DNAJC6: variants seen among roughly 807,000 people sequenced by gnomAD.
DNAJC6 encodes the protein DnaJ heat shock protein family (Hsp40) member C6, also known as auxilin.
DNAJC6 carries 34 observed loss-of-function variants against 110.0 expected under a neutral mutation model. That is an observed-to-expected ratio of 0.31 (90% CI 0.24 to 0.41). The LOEUF (loss-of-function observed/expected upper bound fraction) is 0.41. Among genes scored for constraint, DNAJC6 ranks in the 10% least tolerant of loss-of-function variants. The pLI is 1.00. For missense variants in DNAJC6, 1,031 were observed against 1,207.8 expected (o/e 0.85, Z 2.17); for synonymous variants, 406 against 437.2 (o/e 0.93, Z 0.89).
At chr1:65,397,275 A>G (rs771213437) in intron 13 of DNAJC6, among the ~76,000 whole-genome samples, 18 of 120,316 alleles carry the variant, frequency 1.5e-4, no homozygotes, top group Non-Finnish European at 2.2e-4. Context: ...GAGGTCAGAC[A>G]TCCTCAGGGT....
At chr1:65,265,000 G>A (rs1393990828) in intron 1 of DNAJC6, 1 of 1,443,786 alleles carries the variant, frequency 6.9e-7, no homozygotes, top group African/African-American at 1.4e-5. Flanking sequence ...GGGATGCGAT[G>A]TCACTCCACA....
In DNAJC6 at chr1:65,392,469, G is replaced by A. The variant is rs960622503; in HGVS notation, c.1507G>A (p.Ala503Thr). 7 of 1,611,548 alleles carry A rather than the reference G, an allele frequency of 4.3e-6. No individual in the cohort carries two copies. Among genetic ancestry groups the A allele is most frequent in the Admixed American group, 1.7e-5 (1 of 59,814 alleles). ...SEKSFCEEDH[A>T]ALVNQESEQS... is the part of the protein sequence containing the mutation. Reference sequence around the variant, plus strand: ...GAAGTCATTCTGTGAGGAGGACCACGCTGCCCTAGTGAATCAGGAAAGTGA... The same window carrying A: ...GAAGTCATTCTGTGAGGAGGACCACACTGCCCTAGTGAATCAGGAAAGTGA... The change falls in exon 12 of 19, where the codon GCT becomes ACT. Residue 503 changes from alanine (A) to threonine (T), a missense_variant. Coordinates refer to ENST00000371069, the MANE Select transcript of DNAJC6 (RefSeq NM_001256864.2).
intron 1 of DNAJC6, among the ~76,000 whole-genome samples, chr1:65,290,273 T>C (rs191686832): frequency 3.9e-5 from 6 of 152,330 alleles, no homozygotes; most frequent in Admixed American, 6.5e-5. Flanking sequence ...GTCCTTTGAA[T>C]GTATGTATTG....
intron 1 of DNAJC6, among the ~76,000 whole-genome samples, chr1:65,301,190 G>T (rs768701077): frequency 6.6e-6 from 1 of 152,198 alleles, no homozygotes; most frequent in South Asian, 2.1e-4. Context: ...AAGGACTGAT[G>T]CTTCCATGAG....
intron 1 of DNAJC6, among the ~76,000 whole-genome samples, chr1:65,276,870 C>G (rs1185040259): frequency 6.6e-6 from 1 of 152,188 alleles, no homozygotes; most frequent in African/African-American, 2.4e-5. Flanking sequence ...GTCTTAACAG[C>G]TGCCCCTTGC....
chr1:65,359,759 A>T (rs1233953436), intron 1 of DNAJC6, among the ~76,000 whole-genome samples: 3 of 152,166 alleles, frequency 2.0e-5, no homozygotes, highest in African/African-American at 7.2e-5. Flanking sequence ...AATGCTTTAG[A>T]CTTTGTGGGC....
At position 65,414,778 on chromosome 1, in the gene DNAJC6, T is replaced by G. The variant is rs1646156898; in HGVS notation, c.*1753T>G. ...TTGATCCAGTATGTGCTTGTCTTAT[T>G]TAAAATTGGAATGTGAGACATGTTG... On this transcript the variant is annotated 3_prime_UTR_variant, in exon 19 of 19. Coordinates refer to ENST00000371069, the MANE Select transcript of DNAJC6 (RefSeq NM_001256864.2). 1 of 152,684 alleles carries G rather than the reference T, an allele frequency of 6.5e-6. No individual in the cohort carries two copies. Among genetic ancestry groups the G allele is most frequent in the African/African-American group, 2.4e-5 (1 of 41,464 alleles). 9.5% of individuals were successfully genotyped at this position (152,684 alleles called of 1,614,324 possible). A position where few individuals can be genotyped will look rare whatever the true frequency, so the allele number is the denominator to read the frequency against.
At chr1:65,356,860 A>T (rs1247544758) in intron 1 of DNAJC6, among the ~76,000 whole-genome samples, 3 of 152,186 alleles carry the variant, frequency 2.0e-5, no homozygotes, top group African/African-American at 7.2e-5. Flanking sequence ...CTCTCTTCTC[A>T]AAGTCTGTTA....
chr1:65,324,835 T>A (rs1372779762), intron 1 of DNAJC6, among the ~76,000 whole-genome samples: 1 of 151,892 alleles, frequency 6.6e-6, no homozygotes, highest in Non-Finnish European at 1.5e-5. Flanking sequence ...GAGGCCAGGG[T>A]GTTGCCAAAC....
chr1:65,320,422 T>C (rs1015613873), intron 1 of DNAJC6, among the ~76,000 whole-genome samples: 3 of 152,096 alleles, frequency 2.0e-5, no homozygotes, highest in Non-Finnish European at 2.9e-5. Flanking sequence ...GCAGTGGGAG[T>C]ACTAGGGAAT....
intron 1 of DNAJC6, among the ~76,000 whole-genome samples, chr1:65,353,886 G>A (rs1645515944): frequency 6.6e-6 from 1 of 152,162 alleles, no homozygotes; most frequent in Non-Finnish European, 1.5e-5. Flanking sequence ...CAGTGAAACA[G>A]TGAAAGCATC....
intron 1 of DNAJC6, chr1:65,345,749 G>A: frequency 1.1e-6 from 1 of 901,808 alleles, no homozygotes; most frequent in Non-Finnish European, 1.3e-6. Context: ...TGGCCTTTGG[G>A]ATTTAGCCCA....
intron 1 of DNAJC6, among the ~76,000 whole-genome samples, chr1:65,311,404 T>C (rs1247090994): frequency 5.9e-5 from 9 of 152,036 alleles, no homozygotes; most frequent in Non-Finnish European, 1.3e-4. Context: ...TTTGTACTTT[T>C]AGTAGAGACG....
chr1:65,368,320 A>T (rs915931507), intron 4 of DNAJC6, among the ~76,000 whole-genome samples: 1 of 151,848 alleles, frequency 6.6e-6, no homozygotes, highest in Non-Finnish European at 1.5e-5. Context: ...TCTAGCCTCT[A>T]TCTGCTCCTC....
intron 4 of DNAJC6, among the ~76,000 whole-genome samples, chr1:65,369,784 A>G (rs1048069329): frequency 3.3e-5 from 5 of 152,200 alleles, no homozygotes; most frequent in African/African-American, 1.2e-4. Context: ...GAGGGTTGTC[A>G]TTCTGTATTT....
intron 1 of DNAJC6, among the ~76,000 whole-genome samples, chr1:65,357,456 G>A (rs1039301290): frequency 2.6e-5 from 4 of 152,190 alleles, no homozygotes; most frequent in African/African-American, 9.7e-5. Context: ...GATGTCCCAA[G>A]AACTGCAGTT....
chr1:65,335,108 CTTT>C lies in DNAJC6; in HGVS notation c.193+25183_193+25185del, dbSNP rs71056100. Among the ~76,000 whole-genome samples, 3 of 142,946 alleles carry C rather than the reference CTTT, an allele frequency of 2.1e-5. No individual in the cohort carries two copies. In the East Asian group the frequency reaches 6.1e-4, roughly 29 times the overall value. The allele number at this position is 142,946 out of a possible 152,430, so 93.8% of individuals were successfully genotyped here. ...CAGTGATCAAATCAACTATGTCTGT[CTTT>C]TTTTTTTTTTTTCTTTAAACAGAGT... On this transcript the variant is annotated intron_variant, in intron 1 of 18. Coordinates refer to ENST00000371069, the MANE Select transcript of DNAJC6 (RefSeq NM_001256864.2).
At chr1:65,371,436 C>G (rs6588136) in intron 4 of DNAJC6, among the ~76,000 whole-genome samples, 100,782 of 151,982 alleles carry the variant, frequency 0.66, 34,137 homozygotes, top group African/African-American at 0.82. Context: ...TGATAGCAGT[C>G]TCTTGCTTAG....
intron 1 of DNAJC6, among the ~76,000 whole-genome samples, chr1:65,324,349 T>TG (rs1227849189): frequency 6.6e-6 from 1 of 151,406 alleles, no homozygotes; most frequent in African/African-American, 2.4e-5. Context: ...GCTAAGTTTT[T>TG]TTTGTTTGTT....
Sources: allele counts gnomAD v4.1 joint callset (sites outside exome capture counted in the v4.1 genomes callset), GRCh38; gene constraint gnomAD v4.1.1; transcripts MANE v1.5; gene names NCBI Gene and HGNC (gene_info 2026-07-23, HGNC 2026-07-21).